Variants in FARP2 observed in about 807,000 individuals in gnomAD.
FARP2 encodes the protein FERM, ARH/RhoGEF and pleckstrin domain protein 2, also known as FERM, ARHGEF and pleckstrin domain-containing protein 2.
A neutral mutation model predicts 130.5 loss-of-function variants in FARP2; 111 were observed. The observed-to-expected ratio is 0.85, with a 90% CI of 0.73 to 1.00. The LOEUF (loss-of-function observed/expected upper bound fraction) is 1.00, where lower values mean the gene tolerates loss of function less well. Among genes scored for constraint, FARP2 ranks in the 50% least tolerant of loss-of-function variants. The pLI, the probability that FARP2 is intolerant of heterozygous loss-of-function variation, is 0.00. For synonymous variants in FARP2, 504 were observed against 516.9 expected (o/e 0.98, Z 0.34); for missense variants, 1,385 against 1,346.3 (o/e 1.03, Z -0.45).
intron 1 of FARP2, among the ~76,000 whole-genome samples, chr2:241,361,602 A>T (rs1426511311): frequency 6.6e-6 from 1 of 152,000 alleles, no homozygotes; most frequent in African/African-American, 2.4e-5. Flanking sequence ...CCATAGGGAC[A>T]CTCTGCTTAG....
At position 241,463,777 on chromosome 2, in the gene FARP2, C is replaced by T. The variant is rs2064092361; in HGVS notation, c.1812-122C>T. The stretch of plus-strand genomic sequence containing the variant: ...GCAGGCCCTGCCCTGCGGCCTCTTC[C>T]ACCTCAGAGCTTCACCACCTTCCTC... On this transcript the variant is annotated intron_variant, in intron 16 of 26. Transcript: ENST00000264042. The T allele has an allele frequency of 5.7e-6, 5 of 875,402 alleles. No individual in the cohort carries two copies. The South Asian group carries it at 6.2e-5, about 11-fold the overall frequency. The allele number at this position is 875,402 out of a possible 1,614,324, so 54.2% of individuals were successfully genotyped here. A position where few individuals can be genotyped will look rare whatever the true frequency, so the allele number is the denominator to read the frequency against.
At chr2:241,447,901 G>A (rs903373270) in intron 13 of FARP2, among the ~76,000 whole-genome samples, 1 of 152,174 alleles carries the variant, frequency 6.6e-6, no homozygotes, top group Admixed American at 6.5e-5. Flanking sequence ...CTGATGTCAG[G>A]CGCCTCTGGG....
At chr2:241,444,039 C>A (rs1361026649) in intron 13 of FARP2, 1 of 152,292 alleles carries the variant, frequency 6.6e-6, no homozygotes, top group East Asian at 1.9e-4. Context: ...CTAACCACAT[C>A]AGGCAGTTTC....
chr2:241,476,093 C>A, intron 19 of FARP2, 106 bp downstream of exon 19: 3 of 1,118,142 alleles, frequency 2.7e-6, no homozygotes, highest in Non-Finnish European at 3.8e-6. Flanking sequence ...ATAATTTTGG[C>A]CAGGCACAGT....
At chr2:241,408,339 T>C (rs552972990) in intron 5 of FARP2, among the ~76,000 whole-genome samples, 1 of 151,772 alleles carries the variant, frequency 6.6e-6, no homozygotes, top group Admixed American at 6.6e-5. Flanking sequence ...ATCACTGCAC[T>C]CTAGCCTGGG....
At position 241,475,037 on chromosome 2, in the gene FARP2, T is replaced by G. The variant is rs1392929865; in HGVS notation, c.2132-820T>G. ...TCCTGTCCAGATTATAAACTTTCTCTTATCTTTGCTTGAACTATAAGATTA... is the reference window on the plus strand; with the variant it reads ...TCCTGTCCAGATTATAAACTTTCTCGTATCTTTGCTTGAACTATAAGATTA... On this transcript the variant is annotated intron_variant, in intron 18 of 26. Coordinates refer to ENST00000264042, the MANE Select transcript of FARP2 (RefSeq NM_014808.4). This position sits in a 1 kb window ranked among gnomAD's most constrained non-coding sequence, Gnocchi z 4.4. 6.6e-6 allele frequency among the ~76,000 whole-genome samples: 1 copy of G among 152,212 alleles called. No individual in the cohort carries two copies. Among genetic ancestry groups the G allele is most frequent in the African/African-American group, 2.4e-5 (1 of 41,432 alleles).
intron 3 of FARP2, 35 bp downstream of exon 3, chr2:241,403,967 T>C (rs1367496498): frequency 8.4e-7 from 1 of 1,196,926 alleles, no homozygotes; most frequent in Non-Finnish European, 1.2e-6. Flanking sequence ...CGTGGAGCCT[T>C]TGGGCCTGCT....
At chr2:241,449,235 A>C (rs2063586868) in intron 13 of FARP2, among the ~76,000 whole-genome samples, 1 of 151,156 alleles carries the variant, frequency 6.6e-6, no homozygotes, top group Non-Finnish European at 1.5e-5. Flanking sequence ...AAGAGGCGGG[A>C]GGATAGCTTG....
chr2:241,436,651 AG>A, intron 12 of FARP2, 113 bp downstream of exon 12: 1 of 890,880 alleles, frequency 1.1e-6, no homozygotes. Context: ...TATTTAATGC[AG>A]CAATTGTAAT....
At chr2:241,464,446 T>C (rs146396681) in intron 17 of FARP2, among the ~76,000 whole-genome samples, 2 of 142,582 alleles carry the variant, frequency 1.4e-5, no homozygotes, top group Non-Finnish European at 3.1e-5. Flanking sequence ...AGGGGACCCC[T>C]CAAAACAGGG....
intron 8 of FARP2, among the ~76,000 whole-genome samples, chr2:241,430,482 A>G (rs1271656612): frequency 1.3e-5 from 2 of 152,174 alleles, no homozygotes; most frequent in East Asian, 1.9e-4. Context: ...TCATATATCT[A>G]TATTTACCTC....
chr2:241,394,301 G>A (rs576468970), intron 2 of FARP2, among the ~76,000 whole-genome samples: 57 of 152,164 alleles, frequency 3.7e-4, no homozygotes, highest in East Asian at 9.7e-4. Flanking sequence ...GGCTGATCAC[G>A]AGGTCAGGAG....
chr2:241,357,858 T>C (rs892744439), intron 1 of FARP2, among the ~76,000 whole-genome samples: 12 of 152,222 alleles, frequency 7.9e-5, no homozygotes, highest in Admixed American at 7.9e-4. Context: ...ATATAAGGTG[T>C]ATTCATTTCT....
intron 8 of FARP2, among the ~76,000 whole-genome samples, chr2:241,425,522 G>A (rs188211059): frequency 4.4e-4 from 67 of 151,340 alleles, no homozygotes; most frequent in African/African-American, 1.3e-3. Context: ...GAACTATTCC[G>A]TAGCAGTACT....
intron 1 of FARP2, among the ~76,000 whole-genome samples, chr2:241,359,294 A>G (rs559809651): frequency 1.3e-4 from 20 of 152,300 alleles, no homozygotes; most frequent in African/African-American, 4.6e-4. Flanking sequence ...AGGCCCTATA[A>G]TGTTGTAGGA....
chr2:241,437,907 T>G (rs1436375526), intron 12 of FARP2, among the ~76,000 whole-genome samples: 1 of 152,004 alleles, frequency 6.6e-6, no homozygotes, highest in Non-Finnish European at 1.5e-5. Flanking sequence ...CCTCATGATC[T>G]GCCCGCCTCG....
chr2:241,435,908 A>ATTTTTTT (rs34703186), intron 11 of FARP2, among the ~76,000 whole-genome samples: 7 of 100,992 alleles, frequency 6.9e-5, no homozygotes, highest in Non-Finnish European at 1.2e-4. Flanking sequence ...AGTATAGTAA[A>ATTTTTTT]TTTTTTTTTT....
intron 17 of FARP2, chr2:241,465,400 G>A: frequency 5.2e-6 from 7 of 1,348,826 alleles, no homozygotes; most frequent in Non-Finnish European, 7.3e-6. Context: ...GCTGTGGGGA[G>A]GGCAGGGCCC....
intron 17 of FARP2, chr2:241,466,698 C>CCCCA: frequency 3.2e-6 from 2 of 629,622 alleles, no homozygotes; most frequent in Non-Finnish European, 3.9e-6. Context: ...CACCCCCCCC[C>CCCCA]CCACCACCAC....
Sources: allele counts gnomAD v4.1 joint callset (sites outside exome capture counted in the v4.1 genomes callset), GRCh38; gene constraint gnomAD v4.1.1; non-coding constraint Gnocchi (gnomAD v3.1); transcripts MANE v1.5; gene names NCBI Gene and HGNC (gene_info 2026-07-23, HGNC 2026-07-21).